Variants in ADAMTSL1 observed in about 807,000 individuals in gnomAD.
ADAMTSL1 encodes ADAMTS-like protein 1.
In ADAMTSL1, 126 loss-of-function variants were observed where a neutral mutation model predicts 201.8. The ratio of observed to expected loss-of-function variants is 0.62; its 90% CI spans 0.54 to 0.72. ADAMTSL1 has a LOEUF of 0.72. ADAMTSL1 is among the 30% of genes least tolerant of loss of function. The pLI is 0.00. For missense variants in ADAMTSL1, 2,679 were observed against 2,277.8 expected, an observed-to-expected ratio of 1.18 and a Z score of -3.59; for synonymous variants, 1,121 against 903.4, an observed-to-expected ratio of 1.24 and a Z score of -4.32.
At position 18,741,639 on chromosome 9, in the gene ADAMTSL1, T is replaced by C. The variant is rs112545768; in HGVS notation, c.2007-11659T>C. On this transcript the variant is annotated intron_variant, in intron 15 of 28. Transcript: ENST00000380548. ...TAATAGAAATGTATTCCAAGACTAGTGTCTGAAATCAAAGTACGGACAGGG... is the reference window on the plus strand; with the variant it reads ...TAATAGAAATGTATTCCAAGACTAGCGTCTGAAATCAAAGTACGGACAGGG... Among the ~76,000 whole-genome samples, 119 of 152,318 alleles carry C rather than the reference T, an allele frequency of 7.8e-4. 1 individual carries two copies. Among genetic ancestry groups the C allele is most frequent in the African/African-American group, 2.7e-3 (112 of 41,574 alleles).
intron 1 of ADAMTSL1, among the ~76,000 whole-genome samples, chr9:17,914,791 A>G (rs1826027701): frequency 6.6e-6 from 1 of 151,928 alleles, no homozygotes; most frequent in Admixed American, 6.6e-5. Context: ...TCAGCCCAAA[A>G]TCTCCTTAAG....
chr9:17,955,317 G>A (rs1827888607), intron 1 of ADAMTSL1, among the ~76,000 whole-genome samples: 1 of 152,128 alleles, frequency 6.6e-6, no homozygotes, highest in Non-Finnish European at 1.5e-5. Flanking sequence ...TCTACTGTCA[G>A]CAAAGGGAAA....
In ADAMTSL1 at chr9:18,776,998, C is replaced by T. The variant is rs1205847648; in HGVS notation, c.2769C>T (p.His923=). Reference sequence around the variant, plus strand: ...GCCAGCACCTCATCAGCTCGACGCACGTCACGGTGGCCCCCTTCGGCTATC... The same window carrying T: ...GCCAGCACCTCATCAGCTCGACGCATGTCACGGTGGCCCCCTTCGGCTATC... ...KDGQHLISST[H]VTVAPFGYLK... The change falls in exon 19 of 29, where the codon CAC becomes CAT. Residue 923 remains histidine, a synonymous_variant. Transcript: ENST00000380548. 6.2e-7 allele frequency: 1 copy of T among 1,602,492 alleles called. No individual in the cohort carries two copies. The highest frequency in any genetic ancestry group is 8.5e-7 in the Non-Finnish European group (1 of 1,172,706).
chr9:18,655,806 TAAAAAAAAAAAAAAAA>T (rs56662538), intron 7 of ADAMTSL1, among the ~76,000 whole-genome samples: 14 of 81,848 alleles, frequency 1.7e-4, no homozygotes, highest in African/African-American at 5.3e-4. Flanking sequence ...TTTGTGAGCT[TAAAAAAAAAAAAAAAA>T]AAAAAAAAAA....
chr9:18,733,518 G>C (rs1397165587), intron 15 of ADAMTSL1, among the ~76,000 whole-genome samples: 2 of 152,178 alleles, frequency 1.3e-5, no homozygotes, highest in African/African-American at 4.8e-5. Flanking sequence ...GACATGCAGA[G>C]AGGTGCTTTG....
intron 1 of ADAMTSL1, among the ~76,000 whole-genome samples, chr9:18,086,317 G>T (rs1203990322): frequency 6.6e-6 from 1 of 152,034 alleles, no homozygotes; most frequent in East Asian, 1.9e-4. Flanking sequence ...CAGTTGTGTT[G>T]CAGGAATAAG....
chr9:18,145,954 C>T (rs1297913045), intron 1 of ADAMTSL1, among the ~76,000 whole-genome samples: 1 of 152,038 alleles, frequency 6.6e-6, no homozygotes, highest in Admixed American at 6.6e-5. Flanking sequence ...AAAGAGAATA[C>T]ACAGATGGAA....
chr9:18,690,760 CT>C (rs1831163554), intron 13 of ADAMTSL1, among the ~76,000 whole-genome samples: 1 of 152,194 alleles, frequency 6.6e-6, no homozygotes, highest in African/African-American at 2.4e-5. Flanking sequence ...GTCTTGACTT[CT>C]CTCACTTCCA....
chr9:18,135,044 T>C (rs1826102372), intron 1 of ADAMTSL1, among the ~76,000 whole-genome samples: 1 of 152,168 alleles, frequency 6.6e-6, no homozygotes, highest in African/African-American at 2.4e-5. Flanking sequence ...TGCCTTTTCT[T>C]TTCTCATTGT....
chr9:18,174,423 G>A (rs1828047413), intron 2 of ADAMTSL1, among the ~76,000 whole-genome samples: 1 of 152,120 alleles, frequency 6.6e-6, no homozygotes, highest in Admixed American at 6.5e-5. Context: ...TGCACAGAGG[G>A]GTGCTGAGTA....
intron 2 of ADAMTSL1, among the ~76,000 whole-genome samples, chr9:18,456,664 G>A (rs1049515365): frequency 6.6e-6 from 1 of 152,024 alleles, no homozygotes; most frequent in Non-Finnish European, 1.5e-5. Context: ...TTCAATTTAG[G>A]AGATTTTTAA....
In ADAMTSL1 at chr9:18,503,153, A is replaced by G. The variant is rs72688620; in HGVS notation, c.64-1676A>G. Among the ~76,000 whole-genome samples, 552 of 151,884 alleles carry G rather than the reference A, an allele frequency of 3.6e-3. 11 individuals are homozygous for G. Among genetic ancestry groups the G allele is most frequent in the Non-Finnish European group, 1.1e-3 (75 of 67,942 alleles). ...ATCATCACTACCATCCATCTCCAGA[A>G]CTTTTTCATCTTCCCTAACTGAAAT... On this transcript the variant is annotated intron_variant, in intron 1 of 28. Transcript: ENST00000380548.
At chr9:18,194,588 C>T (rs1007857911) in intron 2 of ADAMTSL1, among the ~76,000 whole-genome samples, 2 of 152,042 alleles carry the variant, frequency 1.3e-5, no homozygotes, top group Non-Finnish European at 2.9e-5. Context: ...AAGAATCTTG[C>T]TTTCTTGCTG....
At chr9:18,437,392 G>T (rs777835414) in intron 2 of ADAMTSL1, among the ~76,000 whole-genome samples, 2 of 152,002 alleles carry the variant, frequency 1.3e-5, no homozygotes, top group Admixed American at 6.6e-5. Context: ...TGTCCCTCCA[G>T]TTTCTTCCAA....
chr9:18,680,244 G>T lies in ADAMTSL1; in HGVS notation c.1137-68G>T, dbSNP rs1008213341. On this transcript the variant is annotated intron_variant, in intron 10 of 28. Transcript: ENST00000380548. Reference sequence around the variant, plus strand: ...ACCAATAGACATGGGGAGTGGGTTGGTGGACCAGTCACTGAGGAGGCTTAG... The same window carrying T: ...ACCAATAGACATGGGGAGTGGGTTGTTGGACCAGTCACTGAGGAGGCTTAG... 126 of 1,496,202 alleles carry T rather than the reference G, an allele frequency of 8.4e-5. 1 individual carries two copies. The Admixed American group carries it at 2.1e-3, about 25-fold the overall frequency. The allele number at this position is 1,496,202 out of a possible 1,614,324, so 92.7% of individuals were successfully genotyped here.
rs1821343620 is a variant in ADAMTSL1, at chr9:18,474,306, T to G, written c.63+11T>G. ...GCTTTCCTGCTCCTGGTAAATGCCT[T>G]TTCATTTCAATGCATTGCTATTGCC... is the stretch of plus-strand genomic sequence containing the variant. On this transcript the variant is annotated intron_variant, in intron 1 of 28. Coordinates refer to ENST00000380548, the MANE Select transcript of ADAMTSL1 (RefSeq NM_001040272.6). The G allele has an allele frequency of 9.9e-6, 16 of 1,614,032 alleles. No individual in the cohort carries two copies. Among genetic ancestry groups the G allele is most frequent in the Non-Finnish European group, 1.4e-5 (16 of 1,179,956 alleles).
intron 2 of ADAMTSL1, among the ~76,000 whole-genome samples, chr9:18,181,146 T>A (rs1828455598): frequency 6.6e-6 from 1 of 152,166 alleles, no homozygotes; most frequent in Admixed American, 6.5e-5. Context: ...CAAGATGGAT[T>A]AAAGACTTAA....
chr9:18,791,021 C>T (rs1822001685), intron 19 of ADAMTSL1, among the ~76,000 whole-genome samples: 1 of 152,194 alleles, frequency 6.6e-6, no homozygotes, highest in Admixed American at 6.5e-5. Flanking sequence ...TCTCTGCCTG[C>T]TCATTCTAAA....
At position 18,817,929 on chromosome 9, in the gene ADAMTSL1, C is replaced by T. The variant is rs147556404; in HGVS notation, c.3934+692C>T. ...GAAGATAGCCAGTGGAGTTCTGATA[C>T]AGGCATTGCTCTCAGGTGGGCCTTG... On this transcript the variant is annotated intron_variant, in intron 21 of 28. Transcript: ENST00000380548. Among the ~76,000 whole-genome samples the T allele has an allele frequency of 1.4e-4, 22 of 152,280 alleles. 1 individual carries two copies. In the East Asian group the frequency reaches 4.0e-3, roughly 28 times the overall value.
Sources: allele counts gnomAD v4.1 joint callset (sites outside exome capture counted in the v4.1 genomes callset), GRCh38; gene constraint gnomAD v4.1.1; transcripts MANE v1.5; gene names NCBI Gene and HGNC (gene_info 2026-07-23, HGNC 2026-07-21).